The following ITGBL1 variants were observed in gnomAD, a reference collection of about 807,000 sequenced individuals.
ITGBL1 encodes the protein integrin subunit beta like 1, also known as integrin beta-like protein 1.
A neutral mutation model predicts 68.5 loss-of-function variants in ITGBL1; 51 were observed. The ratio of observed to expected loss-of-function variants is 0.74; its 90% CI spans 0.59 to 0.94. ITGBL1 has a LOEUF of 0.94. Among genes scored for constraint, ITGBL1 ranks in the 40% least tolerant of loss-of-function variants. The pLI, the probability that ITGBL1 is intolerant of heterozygous loss-of-function variation, is 0.00. For synonymous variants in ITGBL1, 209 were observed against 227.3 expected (o/e 0.92, Z 0.72); for missense variants, 649 against 647.4 (o/e 1.00, Z -0.03).
chr13:101,654,647 G>A (rs2032862451), intron 7 of ITGBL1, among the ~76,000 whole-genome samples: 3 of 152,144 alleles, frequency 2.0e-5, no homozygotes, highest in Admixed American at 2.0e-4. Flanking sequence ...CTTCGGTCAT[G>A]TTACATTTGA....
chr13:101,632,155 A>G lies in ITGBL1; in HGVS notation c.1015+33856A>G, dbSNP rs183963748. ...TCTCTCTCTCTCTCTCTCTCTATAT[A>G]TATATATATCTGACAATAAGCTATA... is the stretch of plus-strand genomic sequence containing the variant. On this transcript the variant is annotated intron_variant, in intron 7 of 10. Coordinates refer to ENST00000376180, the MANE Select transcript of ITGBL1 (RefSeq NM_004791.3). Among the ~76,000 whole-genome samples the G allele has an allele frequency of 3.3e-5, 5 of 152,118 alleles. No individual in the cohort carries two copies. In the East Asian group the frequency reaches 9.7e-4, roughly 29 times the overall value.
chr13:101,476,957 A>G (rs960306007), intron 2 of ITGBL1, among the ~76,000 whole-genome samples: 12 of 152,180 alleles, frequency 7.9e-5, no homozygotes, highest in Non-Finnish European at 1.8e-4. Context: ...GAAAATCAAC[A>G]AAGAAACATC....
At chr13:101,605,971 TG>T (rs2030813717) in intron 7 of ITGBL1, among the ~76,000 whole-genome samples, 3 of 147,336 alleles carry the variant, frequency 2.0e-5, no homozygotes, top group Admixed American at 1.4e-4. Context: ...CACATATATA[TG>T]CATATATGTG....
chr13:101,581,153 C>A (rs1452387774), intron 5 of ITGBL1, among the ~76,000 whole-genome samples: 2 of 152,096 alleles, frequency 1.3e-5, no homozygotes, highest in African/African-American at 2.4e-5. Flanking sequence ...GCCAAAAAAC[C>A]AATGTTGCAG....
At chr13:101,590,533 C>T (rs1205365915) in intron 6 of ITGBL1, among the ~76,000 whole-genome samples, 1 of 152,176 alleles carries the variant, frequency 6.6e-6, no homozygotes, top group African/African-American at 2.4e-5. Context: ...ATTGTTCTAA[C>T]CTTCACAGCC....
intron 7 of ITGBL1, among the ~76,000 whole-genome samples, chr13:101,670,503 T>TA (rs2033331758): frequency 1.3e-5 from 2 of 152,378 alleles, no homozygotes; most frequent in South Asian, 2.1e-4. Context: ...TTGAAAGAGT[T>TA]AAAGTTTTCT....
In ITGBL1 at chr13:101,595,665, G is replaced by C. The variant is rs139677769; in HGVS notation, c.869-2488G>C. On this transcript the variant is annotated intron_variant, in intron 6 of 10. Transcript: ENST00000376180. ...CACAATGAAATATGACCTCACAACT[G>C]TTAGGATGGCTGTTATCAAAAAGTC... Among the ~76,000 whole-genome samples, 42 of 152,286 alleles carry C rather than the reference G, an allele frequency of 2.8e-4. 1 individual carries two copies. In the East Asian group the frequency reaches 6.0e-3, roughly 22 times the overall value.
At chr13:101,617,898 A>G (rs996205373) in intron 7 of ITGBL1, among the ~76,000 whole-genome samples, 3 of 152,178 alleles carry the variant, frequency 2.0e-5, no homozygotes, top group Non-Finnish European at 4.4e-5. Context: ...ATGAAGCAGT[A>G]GTAACAGTGG....
At chr13:101,497,200 T>C (rs9554791) in intron 2 of ITGBL1, among the ~76,000 whole-genome samples, 32,975 of 152,242 alleles carry the variant, frequency 0.22, 4,032 homozygotes, top group East Asian at 0.48. Context: ...CTGACAATCA[T>C]ATTAATTATT....
intron 7 of ITGBL1, among the ~76,000 whole-genome samples, chr13:101,690,110 A>T (rs1016986688): frequency 6.6e-6 from 1 of 152,198 alleles, no homozygotes; most frequent in Non-Finnish European, 1.5e-5. Flanking sequence ...CATGGTGAAA[A>T]AAGAATTGGA....
intron 7 of ITGBL1, among the ~76,000 whole-genome samples, chr13:101,637,294 A>G (rs970642894): frequency 6.6e-6 from 1 of 151,952 alleles, no homozygotes; most frequent in Non-Finnish European, 1.5e-5. Context: ...TATGGTTTGA[A>G]GTTAAATCGG....
In ITGBL1 at chr13:101,557,270, A is replaced by G. The variant is rs547584741; in HGVS notation, c.317-10429A>G. 5.3e-5 allele frequency among the ~76,000 whole-genome samples: 8 copies of G among 152,376 alleles called. No individual in the cohort carries two copies. In the South Asian group the frequency reaches 1.4e-3, roughly 28 times the overall value. On this transcript the variant is annotated intron_variant, in intron 2 of 10. Transcript: ENST00000376180. ...AACACTGGAAGGCATGTTAAATATC[A>G]TCTCATTACACAGTGCTTTTACTTT...
intron 7 of ITGBL1, among the ~76,000 whole-genome samples, chr13:101,671,037 C>T (rs2033344527): frequency 6.6e-6 from 1 of 152,138 alleles, no homozygotes; most frequent in Non-Finnish European, 1.5e-5. Context: ...TCAAATTCAT[C>T]AGATTTTTAA....
chr13:101,593,642 T>C (rs758676518), intron 6 of ITGBL1, among the ~76,000 whole-genome samples: 8 of 152,256 alleles, frequency 5.3e-5, no homozygotes, highest in Non-Finnish European at 1.0e-4. Context: ...GAGGTCATCA[T>C]GTTAGGTTAA....
chr13:101,488,856 T>A (rs2048736633), intron 2 of ITGBL1, among the ~76,000 whole-genome samples: 1 of 152,180 alleles, frequency 6.6e-6, no homozygotes, highest in South Asian at 2.1e-4. Context: ...GGGAGTTATA[T>A]TCCTTTTCTT....
intron 8 of ITGBL1, among the ~76,000 whole-genome samples, chr13:101,699,311 T>A (rs1319105119): frequency 6.6e-6 from 1 of 152,334 alleles, no homozygotes; most frequent in African/African-American, 2.4e-5. Flanking sequence ...CACCACAGTG[T>A]CCCTGAACCC....
intron 6 of ITGBL1, among the ~76,000 whole-genome samples, chr13:101,595,538 A>T (rs1437730085): frequency 6.6e-6 from 1 of 152,218 alleles, no homozygotes; most frequent in Non-Finnish European, 1.5e-5. Flanking sequence ...AAAAATGGGC[A>T]AATGACCTGA....
intron 8 of ITGBL1, among the ~76,000 whole-genome samples, chr13:101,703,192 G>T (rs1003418503): frequency 6.6e-6 from 1 of 151,788 alleles, no homozygotes; most frequent in African/African-American, 2.4e-5. Context: ...AAAAAATAAG[G>T]TATTACAGAA....
intron 2 of ITGBL1, among the ~76,000 whole-genome samples, chr13:101,549,603 A>G (rs2049886781): frequency 6.6e-6 from 1 of 152,074 alleles, no homozygotes; most frequent in South Asian, 2.1e-4. Flanking sequence ...AAAATAAGCC[A>G]AATATATGAG....
Sources: gnomAD v4.1 joint callset for allele counts (sites outside exome capture counted in the v4.1 genomes callset) on GRCh38, gnomAD v4.1.1 for gene constraint, MANE v1.5 for transcripts, NCBI Gene and HGNC (gene_info 2026-07-23, HGNC 2026-07-21) for gene names.